SGCD: variants seen among roughly 807,000 people sequenced by gnomAD.
SGCD encodes the protein delta-sarcoglycan.
Under a neutral mutation model 36.6 loss-of-function variants are expected in SGCD, and 18 were observed. The observed-to-expected ratio is 0.49, with a 90% CI of 0.34 to 0.73. The LOEUF is 0.73. Among genes scored for constraint, SGCD ranks in the 30% least tolerant of loss-of-function variants. SGCD has a pLI of 0.01. For missense variants in SGCD, 387 were observed against 346.7 expected, an observed-to-expected ratio of 1.12 and a Z score of -0.92; for synonymous variants, 133 against 130.6, an observed-to-expected ratio of 1.02 and a Z score of -0.12.
intron 7 of SGCD, among the ~76,000 whole-genome samples, chr5:156,654,778 G>C (rs930034729): frequency 5.3e-5 from 8 of 151,984 alleles, no homozygotes; most frequent in African/African-American, 1.9e-4. Flanking sequence ...AGTTAAAAAA[G>C]AGTTATAAAA....
the SGCD span, among the ~76,000 whole-genome samples, chr5:155,774,682 C>T: frequency 6.6e-6 from 1 of 152,130 alleles, no homozygotes. Flanking sequence ...TTCTCCTTCA[C>T]AGACTCCTCC....
chr5:156,016,915 A>G (rs775687958), intron 1 of SGCD, among the ~76,000 whole-genome samples: 10 of 152,198 alleles, frequency 6.6e-5, no homozygotes, highest in Non-Finnish European at 1.5e-4. Context: ...ATTTGTGTAT[A>G]TTCCTTGATA....
chr5:156,715,665 A>C (rs995387148), intron 7 of SGCD, among the ~76,000 whole-genome samples: 2 of 152,214 alleles, frequency 1.3e-5, no homozygotes, highest in African/African-American at 2.4e-5. Flanking sequence ...GCAGCTTGCC[A>C]CTTATTAACT....
chr5:156,481,462 G>C (rs1299251462), intron 3 of SGCD, among the ~76,000 whole-genome samples: 1 of 152,158 alleles, frequency 6.6e-6, no homozygotes, highest in Non-Finnish European at 1.5e-5. Flanking sequence ...CATAATCTAA[G>C]TGTCTTAGTT....
chr5:155,940,675 T>C (rs1757302665), intron 1 of SGCD, among the ~76,000 whole-genome samples: 1 of 152,080 alleles, frequency 6.6e-6, no homozygotes, highest in Admixed American at 6.6e-5. Flanking sequence ...AAACCCCGTC[T>C]CTACTAAAAA....
chr5:156,133,871 G>A (rs750594865), intron 3 of SGCD, among the ~76,000 whole-genome samples: 2 of 150,434 alleles, frequency 1.3e-5, no homozygotes, highest in African/African-American at 4.9e-5. Context: ...TTGCTGCTGC[G>A]TTCAAAATCT....
At chr5:156,155,637 A>C (rs112889938) in intron 3 of SGCD, among the ~76,000 whole-genome samples, 1 of 148,790 alleles carries the variant, frequency 6.7e-6, no homozygotes, top group Non-Finnish European at 1.5e-5. Context: ...AAAAAGAAGC[A>C]CACAGGATTT....
chr5:156,460,633 A>G (rs191175117), intron 3 of SGCD, among the ~76,000 whole-genome samples: 66 of 152,294 alleles, frequency 4.3e-4, no homozygotes, highest in Non-Finnish European at 8.1e-4. Context: ...TGAATGAATG[A>G]ATGATAATCT....
chr5:156,755,517 G>A (rs1757303608), intron 7 of SGCD, among the ~76,000 whole-genome samples: 1 of 152,194 alleles, frequency 6.6e-6, no homozygotes, highest in Non-Finnish European at 1.5e-5. Context: ...GCTCCAGTTA[G>A]TTGGATTAAG....
chr5:156,017,248 G>A (rs1216636257), intron 1 of SGCD, among the ~76,000 whole-genome samples: 1 of 152,122 alleles, frequency 6.6e-6, no homozygotes, highest in Non-Finnish European at 1.5e-5. Flanking sequence ...TATTTGAGAT[G>A]ACGCTGCAAA....
In SGCD at chr5:156,093,289, T is replaced by G. The variant is rs76441780; in HGVS notation, c.-281-24589T>G. On this transcript the variant is annotated intron_variant, in intron 1 of 9. Coordinates refer to the SGCD transcript ENST00000517913. ...TATGTAGTGGTGGGCTTTTGATTCT[T>G]TTCCTCCCTGCCATTGTATACTTTG... Among the ~76,000 whole-genome samples the G allele has an allele frequency of 2.6e-4, 39 of 152,314 alleles. No homozygotes were observed. In the East Asian group the frequency reaches 7.1e-3, roughly 28 times the overall value.
intron 6 of SGCD, among the ~76,000 whole-genome samples, chr5:156,607,920 T>G (rs1761558235): frequency 1.3e-5 from 2 of 152,200 alleles, no homozygotes; most frequent in African/African-American, 4.8e-5. Context: ...ATTGCGTCTA[T>G]TTGATTCTTC....
the SGCD span, among the ~76,000 whole-genome samples, chr5:155,774,213 C>A: frequency 6.6e-6 from 1 of 152,056 alleles, no homozygotes; most frequent in African/African-American, 2.4e-5. Context: ...GGCCAGCCTG[C>A]TAGCTTTATT....
At chr5:156,034,422 G>C (rs1423645718) in intron 1 of SGCD, among the ~76,000 whole-genome samples, 4 of 152,186 alleles carry the variant, frequency 2.6e-5, no homozygotes, top group Non-Finnish European at 5.9e-5. Context: ...TTAGGTGCCA[G>C]AACAATGAAG....
chr5:155,778,848 A>G, the SGCD span, among the ~76,000 whole-genome samples: 2 of 152,312 alleles, frequency 1.3e-5, no homozygotes, highest in South Asian at 4.1e-4. Flanking sequence ...AATTATACTA[A>G]CAGAAGTTGC....
chr5:156,697,104 G>A (rs548983623), intron 7 of SGCD, among the ~76,000 whole-genome samples: 30 of 152,026 alleles, frequency 2.0e-4, no homozygotes, highest in African/African-American at 6.3e-4. Flanking sequence ...ATTGCCTTAG[G>A]GGGTAGCAGC....
At chr5:155,797,498 G>C in the SGCD span, among the ~76,000 whole-genome samples, 2 of 152,292 alleles carry the variant, frequency 1.3e-5, no homozygotes, top group African/African-American at 4.8e-5. Context: ...AGGAAAAAAG[G>C]CCAATAGAAT....
At chr5:156,292,263 C>A (rs997845575) in intron 3 of SGCD, among the ~76,000 whole-genome samples, 3 of 152,104 alleles carry the variant, frequency 2.0e-5, no homozygotes, top group Non-Finnish European at 1.5e-5. Context: ...AAACCCTATA[C>A]CCGTTAAACA....
intron 3 of SGCD, among the ~76,000 whole-genome samples, chr5:156,396,514 T>C (rs1771856782): frequency 6.6e-6 from 1 of 152,186 alleles, no homozygotes; most frequent in Non-Finnish European, 1.5e-5. Context: ...AAATATTTCA[T>C]GCCCTTGTTG....
Sources: gnomAD v4.1 joint callset for allele counts (sites outside exome capture counted in the v4.1 genomes callset) on GRCh38, gnomAD v4.1.1 for gene constraint, MANE v1.5 for transcripts, NCBI Gene and HGNC (gene_info 2026-07-23, HGNC 2026-07-21) for gene names.